The following CSF1 variants were observed in gnomAD, a reference collection of about 807,000 sequenced individuals.
CSF1 encodes the protein macrophage colony-stimulating factor 1.
A neutral mutation model predicts 48.9 loss-of-function variants in CSF1; 9 were observed. That is an observed-to-expected ratio of 0.18 (90% CI 0.11 to 0.32). CSF1 has a LOEUF of 0.32. CSF1 is among the 10% of genes least tolerant of loss of function. The probability of loss-of-function intolerance (pLI) is 1.00; values close to 1 mark genes in which losing one functional copy is unlikely to be tolerated. For synonymous variants in CSF1, 305 were observed against 284.1 expected (o/e 1.07, Z -0.74); for missense variants, 672 against 697.9 (o/e 0.96, Z 0.42).
chr1:109,913,645 G>T (rs1283900664), intron 1 of CSF1, among the ~76,000 whole-genome samples: 1 of 152,224 alleles, frequency 6.6e-6, no homozygotes, highest in Non-Finnish European at 1.5e-5. Flanking sequence ...TGGTGCCTCT[G>T]ATTAATCAGC....
intron 6 of CSF1, 134 bp from the exon 7 acceptor site, chr1:109,924,642 A>G (rs1647754192): frequency 1.3e-6 from 1 of 750,704 alleles, no homozygotes; most frequent in Non-Finnish European, 2.3e-6. Flanking sequence ...CCTCTGGCTG[A>G]TCCCCACTTT....
chr1:109,918,513 A>G (rs1647359916), intron 4 of CSF1, among the ~76,000 whole-genome samples: 1 of 152,234 alleles, frequency 6.6e-6, no homozygotes, highest in South Asian at 2.1e-4. Context: ...GCTTGGACCA[A>G]GGTGGGACAG....
rs772160348 is a variant in CSF1 at position 109,923,734 on chromosome 1, C to A, written c.1113C>A (p.Gly371=). 2 of 1,610,988 alleles carry A rather than the reference C, an allele frequency of 1.2e-6. No individual in the cohort carries two copies. Among genetic ancestry groups the A allele is most frequent in the East Asian group, 4.5e-5 (2 of 44,838 alleles). ...DVTGTALPRV[G]PVRPTGQDWN... is the part of the protein sequence containing the mutation. ...CTGGTACCGCCTTGCCCAGGGTGGG[C>A]CCCGTGAGGCCCACTGGCCAGGACT... The change falls in exon 6 of 9, where the codon GGC becomes GGA. Residue 371 remains glycine (G), a synonymous_variant. Transcript: ENST00000329608.
chr1:109,924,878 ATC>A, intron 7 of CSF1, 50 bp downstream of exon 7: 1 of 1,562,332 alleles, frequency 6.4e-7, no homozygotes, highest in Non-Finnish European at 8.7e-7. Flanking sequence ...CTGGCTTGGG[ATC>A]TGTTTCCCCT....
At chr1:109,911,240 G>A (rs1654670776) in intron 1 of CSF1, among the ~76,000 whole-genome samples, 178 bp downstream of exon 1, 1 of 152,102 alleles carries the variant, frequency 6.6e-6, no homozygotes, top group East Asian at 1.9e-4. Flanking sequence ...CCAGGGCGGA[G>A]GCCGGTGGCG....
At position 109,911,069 on chromosome 1, in the gene CSF1, G is replaced by T; in HGVS notation, c.39+7G>T. ...CGGGCGCTGCCCTCCCACGGTAAGCGACGGCCGCGGCGCTGGGCCCGGGAC... is the reference window on the plus strand; with the variant it reads ...CGGGCGCTGCCCTCCCACGGTAAGCTACGGCCGCGGCGCTGGGCCCGGGAC... On this transcript the variant is annotated splice_region_variant and intron_variant, in intron 1 of 8. Transcript: ENST00000329608. The T allele has an allele frequency of 1.8e-6, 2 of 1,081,878 alleles. No individual in the cohort carries two copies. Among genetic ancestry groups the T allele is most frequent in the South Asian group, 8.2e-5 (2 of 24,358 alleles). The allele number at this position is 1,081,878 out of a possible 1,614,324, so 67.0% of individuals were successfully genotyped here.
intron 4 of CSF1, 144 bp downstream of exon 4, chr1:109,917,607 A>G (rs531132779): frequency 1.5e-4 from 126 of 848,514 alleles, no homozygotes; most frequent in Non-Finnish European, 2.2e-4. Context: ...CATCCCACCA[A>G]CCTTTACCAG....
rs3208449 is a variant in CSF1, at chr1:109,924,154, C to T, written c.1533C>T (p.Ala511=). 1,138 of 1,613,110 alleles carry T rather than the reference C, an allele frequency of 7.1e-4. 4 individuals are homozygous for T. In the African/African-American group the frequency reaches 0.01, roughly 15 times the overall value. The change falls in exon 6 of 9, where the codon GCC becomes GCT. Residue 511 remains alanine, a synonymous_variant. Coordinates refer to ENST00000329608, the MANE Select transcript of CSF1 (RefSeq NM_000757.6). ...CCAGTGTCATCCTGGTCTTGCTGGC[C>T]GTCGGAGGCCTCTTGTTCTACAGGT... The part of the protein sequence containing the change: ...LVPSVILVLL[A]VGGLLFYRWR...
At chr1:109,920,207 A>AAT (rs397981194) in intron 4 of CSF1, among the ~76,000 whole-genome samples, 4 of 151,324 alleles carry the variant, frequency 2.6e-5, no homozygotes, top group Non-Finnish European at 5.9e-5. Flanking sequence ...AAAAAAAAAA[A>AAT]TGTTTACCAG....
intron 1 of CSF1, among the ~76,000 whole-genome samples, chr1:109,913,697 T>C (rs1654781632): frequency 6.6e-6 from 1 of 152,216 alleles, no homozygotes. Context: ...CCAAGATGTC[T>C]CTGGCAAGGG....
chr1:109,928,363 C>T (rs190143594), intron 8 of CSF1, among the ~76,000 whole-genome samples: 2 of 152,336 alleles, frequency 1.3e-5, no homozygotes, highest in Admixed American at 6.5e-5. Flanking sequence ...CTTCAGCTAG[C>T]TCTGCCCTAC....
rs138870833 is a variant in CSF1 at position 109,920,227 on chromosome 1, C to T, written c.397-1620C>T. ...AAAAAATGTTTACCAGATAGACGTA[C>T]GAATGAGAAGACTGGGCTCAGCTCC... On this transcript the variant is annotated intron_variant, in intron 4 of 8. Coordinates refer to ENST00000329608, the MANE Select transcript of CSF1 (RefSeq NM_000757.6). Among the ~76,000 whole-genome samples, 492 of 151,784 alleles carry T rather than the reference C, an allele frequency of 3.2e-3. 2 individuals carry two copies. The highest frequency in any genetic ancestry group is 0.014 in the Middle Eastern group (4 of 294).
Position 109,923,996 on chromosome 1 carries a change from C to A in CSF1, c.1375C>A (p.Pro459Thr). The change falls in exon 6 of 9, where the codon CCA becomes ACA. Residue 459 changes from proline to threonine, a missense_variant. Transcript: ENST00000329608. ...GAGCCCCGCAGAGCCAGAAGGAGGA[C>A]CAGCAAGTGAAGGGGCAGCCAGGCC... ...RRSPAEPEGG[P>T]ASEGAARPLP... The A allele has an allele frequency of 6.2e-7, 1 of 1,614,182 alleles. No individual in the cohort carries two copies. The highest frequency in any genetic ancestry group is 1.1e-5 in the South Asian group (1 of 91,092).
chr1:109,923,656 A>C lies in CSF1; in HGVS notation c.1035A>C (p.Ser345=), dbSNP rs755853450. Reference sequence around the variant, plus strand: ...CCGCCAGACCCAGCAACTTCCTCTCAGCATCTTCTCCACTCCCTGCATCAG... The same window carrying C: ...CCGCCAGACCCAGCAACTTCCTCTCCGCATCTTCTCCACTCCCTGCATCAG... ...TEPARPSNFL[S]ASSPLPASAK... is the part of the protein sequence containing the mutation. Residue 345 remains serine, a synonymous_variant, in exon 6 of 9, where the codon TCA becomes TCC. Transcript: ENST00000329608. 7 of 1,613,860 alleles carry C rather than the reference A, an allele frequency of 4.3e-6. No individual in the cohort carries two copies. The highest frequency in any genetic ancestry group is 5.1e-6 in the Non-Finnish European group (6 of 1,179,844).
intron 1 of CSF1, among the ~76,000 whole-genome samples, chr1:109,912,571 G>A (rs1654733284): frequency 6.6e-6 from 1 of 152,172 alleles, no homozygotes; most frequent in Non-Finnish European, 1.5e-5. Flanking sequence ...CTCTCATGTA[G>A]TGGCTGCACT....
At chr1:109,914,433 G>A (rs1299921231) in intron 2 of CSF1, 52 bp downstream of exon 2, 2 of 1,524,226 alleles carry the variant, frequency 1.3e-6, no homozygotes, top group African/African-American at 1.4e-5. Flanking sequence ...GGGAAATGAA[G>A]GCAGGAGCCA....
intron 7 of CSF1, 126 bp from the exon 8 acceptor site, chr1:109,925,021 C>T (rs1403561251): frequency 5.6e-6 from 6 of 1,076,334 alleles, no homozygotes; most frequent in Non-Finnish European, 8.6e-6. Flanking sequence ...TAGAGTTAGA[C>T]AGTTCTGGGT....
intron 8 of CSF1, chr1:109,926,513 T>G (rs1005238106): frequency 6.6e-6 from 1 of 152,322 alleles, no homozygotes; most frequent in African/African-American, 2.4e-5. Flanking sequence ...TGCACATTGA[T>G]GAGTGCCTGC....
At chr1:109,922,190 G>C (rs2101651665) in intron 5 of CSF1, 196 bp downstream of exon 5, 1 of 468,830 alleles carries the variant, frequency 2.1e-6, no homozygotes, top group Non-Finnish European at 3.7e-6. Flanking sequence ...TGTCTTTTCT[G>C]ACATGTGTGT....
Sources: gnomAD v4.1 joint callset for allele counts (sites outside exome capture counted in the v4.1 genomes callset) on GRCh38, gnomAD v4.1.1 for gene constraint, MANE v1.5 for transcripts, NCBI Gene and HGNC (gene_info 2026-07-23, HGNC 2026-07-21) for gene names.